Variants in VPS13C observed in about 807,000 individuals in gnomAD.
VPS13C encodes vacuolar protein sorting 13 homolog C.
Under a neutral mutation model 456.8 loss-of-function variants are expected in VPS13C, and 358 were observed. That is an observed-to-expected ratio of 0.78 (90% CI 0.72 to 0.86). The LOEUF (loss-of-function observed/expected upper bound fraction) is 0.86. Among genes scored for constraint, VPS13C ranks in the 40% least tolerant of loss-of-function variants. VPS13C has a pLI of 0.00. For missense variants in VPS13C, 4,818 were observed against 4,385.4 expected (o/e 1.10, Z -2.79); for synonymous variants, 1,578 against 1,486.7 (o/e 1.06, Z -1.41).
intron 53 of VPS13C, among the ~76,000 whole-genome samples, chr15:61,925,191 C>G (rs902064861): frequency 6.6e-6 from 1 of 151,920 alleles, no homozygotes; most frequent in Non-Finnish European, 1.5e-5. Context: ...ACTCAACCCC[C>G]ACAACACACG....
intron 79 of VPS13C, among the ~76,000 whole-genome samples, chr15:61,871,283 G>A (rs1895010522): frequency 6.6e-6 from 1 of 152,102 alleles, no homozygotes; most frequent in African/African-American, 2.4e-5. Flanking sequence ...ATATGGTACA[G>A]GTAGGGGTCC....
At chr15:61,892,244 G>A (rs1353118888) in intron 66 of VPS13C, among the ~76,000 whole-genome samples, 1 of 152,258 alleles carries the variant, frequency 6.6e-6, no homozygotes, top group Middle Eastern at 3.4e-3. Context: ...CAAAGGAAAC[G>A]CCTATTCAGA....
intron 8 of VPS13C, among the ~76,000 whole-genome samples, chr15:62,021,382 AT>A (rs1486609120): frequency 6.6e-6 from 1 of 151,912 alleles, no homozygotes; most frequent in Non-Finnish European, 1.5e-5. Flanking sequence ...TTCTAGGAAA[AT>A]CTCTAGATCC....
In VPS13C at chr15:61,961,951, A is replaced by G. The variant is rs376291184; in HGVS notation, c.3604-58T>C. 32 of 1,512,422 alleles carry G rather than the reference A, an allele frequency of 2.1e-5. 1 individual carries two copies. In the East Asian group the frequency reaches 2.7e-4, roughly 13 times the overall value. The allele number at this position is 1,512,422 out of a possible 1,614,324, so 93.7% of individuals were successfully genotyped here. On this transcript the variant is annotated intron_variant, in intron 34 of 84. Coordinates refer to ENST00000644861, the MANE Select transcript of VPS13C (RefSeq NM_020821.3). ...AAGAGAATACAGGCACATCAATAAT[A>G]ACACTATCTTCTTTTCATACATGTG...
intron 81 of VPS13C, among the ~76,000 whole-genome samples, chr15:61,868,318 A>G (rs1216655697): frequency 6.6e-6 from 1 of 152,072 alleles, no homozygotes; most frequent in Non-Finnish European, 1.5e-5. Flanking sequence ...TGGTTGGGAG[A>G]AATGGAAGCA....
At chr15:62,010,401 G>T in intron 13 of VPS13C, 71 bp downstream of exon 13, 1 of 1,397,936 alleles carries the variant, frequency 7.2e-7, no homozygotes, top group Middle Eastern at 2.0e-4. Flanking sequence ...CACTAGAGAA[G>T]TAATAATCAC....
intron 66 of VPS13C, among the ~76,000 whole-genome samples, chr15:61,902,193 A>G (rs890001530): frequency 1.4e-4 from 21 of 151,602 alleles, no homozygotes; most frequent in African/African-American, 4.8e-4. Context: ...GCGCACCAGC[A>G]TGGCACATGT....
At chr15:62,001,740 T>C (rs1424230066) in intron 15 of VPS13C, among the ~76,000 whole-genome samples, 1 of 152,154 alleles carries the variant, frequency 6.6e-6, no homozygotes. Flanking sequence ...CATTGTTCAG[T>C]TCCCACCCAT....
At chr15:62,003,498 G>T (rs1356757005) in intron 15 of VPS13C, among the ~76,000 whole-genome samples, 2 of 152,014 alleles carry the variant, frequency 1.3e-5, no homozygotes, top group Non-Finnish European at 2.9e-5. Flanking sequence ...TTTCCTAATT[G>T]AATACCCTTT....
At position 61,949,450 on chromosome 15, in the gene VPS13C, G is replaced by C. The variant is rs773180048; in HGVS notation, c.4752C>G (p.Val1584=). 2 of 1,608,320 alleles carry C rather than the reference G, an allele frequency of 1.2e-6. No individual in the cohort carries two copies. The highest frequency in any genetic ancestry group is 1.7e-6 in the Non-Finnish European group (2 of 1,178,802). Reference sequence around the variant, plus strand: ...TAATTCAAAAATTATTACCAGCTTTGACAGCGATACTTCTGGACTCCCCCA... The same window carrying C: ...TAATTCAAAAATTATTACCAGCTTTCACAGCGATACTTCTGGACTCCCCCA... ...PLVGESRSIA[V]KAVSSNISQK... Residue 1584 remains valine (V), a synonymous_variant, in exon 42 of 85, where the codon GTC becomes GTG. Transcript: ENST00000644861.
rs1894421944 is a variant in VPS13C at position 61,864,685 on chromosome 15, G to C, written c.10864-1157C>G. ...TGCAAAAAGCCATGAATAAGGAAGA[G>C]GAATCCACAAAGAACTGGGATCTCA... is the stretch of plus-strand genomic sequence containing the variant. On this transcript the variant is annotated intron_variant, in intron 81 of 84. Transcript: ENST00000644861. The C allele has an allele frequency of 5.1e-6, 5 of 985,288 alleles. No homozygotes were observed. In the South Asian group the frequency reaches 1.4e-4, roughly 28 times the overall value. 61.0% of individuals were successfully genotyped at this position (985,288 alleles called of 1,614,324 possible).
At position 61,907,309 on chromosome 15, in the gene VPS13C, A is replaced by T; in HGVS notation, c.9060T>A (p.Leu3020=). The change falls in exon 66 of 85, where the codon CTT becomes CTA. Residue 3020 remains leucine, a synonymous_variant. Coordinates refer to ENST00000644861, the MANE Select transcript of VPS13C (RefSeq NM_020821.3). ...AWADPTGTRK[L]TWTYAANVGE... is the part of the protein sequence containing the mutation. ...CAACATTTGCTGCATATGTCCATGT[A>T]AGTTTTCTGGTACCAGTAGGATCTG... 1.9e-6 allele frequency: 3 copies of T among 1,614,050 alleles called. No homozygotes were observed. The highest frequency in any genetic ancestry group is 2.5e-6 in the Non-Finnish European group (3 of 1,179,888).
intron 54 of VPS13C, 143 bp downstream of exon 54, chr15:61,922,254 C>T (rs2043682510): frequency 8.5e-7 from 1 of 1,170,868 alleles, no homozygotes; most frequent in South Asian, 1.6e-5. Flanking sequence ...AAAAACAATA[C>T]ATCGACAAAT....
chr15:62,016,543 T>C (rs371003557), intron 9 of VPS13C, among the ~76,000 whole-genome samples: 7 of 151,404 alleles, frequency 4.6e-5, no homozygotes, highest in East Asian at 2.0e-4. Context: ...GTCCTTGCAA[T>C]AGTTTGCTGA....
At chr15:61,965,091 C>T (rs1229714182) in intron 30 of VPS13C, among the ~76,000 whole-genome samples, 2 of 151,924 alleles carry the variant, frequency 1.3e-5, no homozygotes, top group Non-Finnish European at 2.9e-5. Context: ...CCTAATTACT[C>T]CATTTCCAAA....
At chr15:62,007,562 T>C (rs1004948585) in intron 14 of VPS13C, 83 bp from the exon 15 acceptor site, 7 of 1,233,062 alleles carry the variant, frequency 5.7e-6, no homozygotes, top group African/African-American at 3.1e-5. Context: ...TTAGATCTTA[T>C]GCTGTCAAAT....
At chr15:61,939,704 A>G (rs1596357790) in intron 47 of VPS13C, among the ~76,000 whole-genome samples, 1 of 152,252 alleles carries the variant, frequency 6.6e-6, no homozygotes, top group Middle Eastern at 3.4e-3. Context: ...TATTAAAAAT[A>G]ACGCTGTGGC....
chr15:61,893,685 T>A (rs2042718767), intron 66 of VPS13C, among the ~76,000 whole-genome samples: 1 of 151,172 alleles, frequency 6.6e-6, no homozygotes, highest in Admixed American at 6.6e-5. Flanking sequence ...AACAACCTCT[T>A]AATAGGCAAT....
At chr15:61,902,627 C>T (rs79765661) in intron 66 of VPS13C, among the ~76,000 whole-genome samples, 2,263 of 151,734 alleles carry the variant, frequency 0.015, 67 homozygotes, top group African/African-American at 0.053. Context: ...GCTAAAAAAG[C>T]GTTTGACAAA....
Sources: allele counts gnomAD v4.1 joint callset (sites outside exome capture counted in the v4.1 genomes callset), GRCh38; gene constraint gnomAD v4.1.1; transcripts MANE v1.5; gene names NCBI Gene and HGNC (gene_info 2026-07-23, HGNC 2026-07-21).